Variants in PYROXD1 observed in about 807,000 individuals in gnomAD.
PYROXD1 encodes the protein pyridine nucleotide-disulphide oxidoreductase domain 1.
In PYROXD1, 42 loss-of-function variants were observed where a neutral mutation model predicts 62.0. The ratio of observed to expected loss-of-function variants is 0.68; its 90% CI spans 0.53 to 0.88. The LOEUF (loss-of-function observed/expected upper bound fraction) is 0.88, where lower values mean the gene tolerates loss of function less well. Among genes scored for constraint, PYROXD1 ranks in the 40% least tolerant of loss-of-function variants. The probability of loss-of-function intolerance (pLI) is 0.00; values close to 1 mark genes in which losing one functional copy is unlikely to be tolerated. For missense variants in PYROXD1, 493 were observed against 604.8 expected (o/e 0.82, Z 1.94); for synonymous variants, 170 against 206.4 (o/e 0.82, Z 1.51).
At position 21,460,538 on chromosome 12, in the gene PYROXD1, C is replaced by T. The variant is rs1259664207; in HGVS notation, c.751-487C>T. Among the ~76,000 whole-genome samples the T allele has an allele frequency of 5.3e-5, 8 of 151,980 alleles. No individual in the cohort carries two copies. In the South Asian group the frequency reaches 1.7e-3, roughly 32 times the overall value. On this transcript the variant is annotated intron_variant, in intron 7 of 11. Transcript: ENST00000240651. ...TCCCGGGTTCAAGCGAGTCTCCTGC[C>T]TCAGCCTCCCGAGTAGCTGGGACTA...
intron 3 of PYROXD1, chr12:21,448,230 T>C: frequency 1.9e-6 from 1 of 516,268 alleles, no homozygotes; most frequent in Non-Finnish European, 3.7e-6. Flanking sequence ...CATTTTGTTC[T>C]TATGAAATGC....
At chr12:21,462,588 A>G in intron 9 of PYROXD1, 152 bp from the exon 10 acceptor site, 1 of 759,568 alleles carries the variant, frequency 1.3e-6, no homozygotes, top group Non-Finnish European at 2.1e-6. Context: ...ATGGAAATTC[A>G]GCTCAGGTGT....
chr12:21,460,432 TA>T (rs377484496), intron 7 of PYROXD1, among the ~76,000 whole-genome samples: 51,505 of 127,980 alleles, frequency 0.4, 9,352 homozygotes, highest in Middle Eastern at 0.48. Flanking sequence ...TTTATTTATT[TA>T]TTTTTTTTGA....
In PYROXD1 at chr12:21,470,148, T is replaced by C; in HGVS notation, c.*1394T>C. On this transcript the variant is annotated 3_prime_UTR_variant, in exon 12 of 12. Coordinates refer to ENST00000240651, the MANE Select transcript of PYROXD1 (RefSeq NM_024854.5). ...GTCTAACTACAAAAATAATGGCATATACATGCATAAACCATCTTTAATTAG... is the reference window on the plus strand; with the variant it reads ...GTCTAACTACAAAAATAATGGCATACACATGCATAAACCATCTTTAATTAG... 1 of 1,601,962 alleles carries C rather than the reference T, an allele frequency of 6.2e-7. No individual in the cohort carries two copies. The highest frequency in any genetic ancestry group is 8.5e-7 in the Non-Finnish European group (1 of 1,174,334).
At chr12:21,460,765 G>GT (rs1274909478) in intron 7 of PYROXD1, 1 of 224,814 alleles carries the variant, frequency 4.4e-6, no homozygotes, top group Non-Finnish European at 8.7e-6. Context: ...AATTATCAAT[G>GT]AGGCCTAGGC....
intron 2 of PYROXD1, among the ~76,000 whole-genome samples, chr12:21,440,999 A>G (rs1016501962): frequency 2.6e-4 from 39 of 152,186 alleles, no homozygotes; most frequent in African/African-American, 8.9e-4. Flanking sequence ...TGCATCCCTG[A>G]ATAAATCCCA....
At chr12:21,439,157 A>G (rs1296466343) in intron 1 of PYROXD1, among the ~76,000 whole-genome samples, 1 of 152,198 alleles carries the variant, frequency 6.6e-6, no homozygotes, top group African/African-American at 2.4e-5. Flanking sequence ...CATAGATCAT[A>G]AGGAGTCTTA....
rs182774881 is a variant in PYROXD1 at position 21,448,756 on chromosome 12, A to G, written c.286-807A>G. Among the ~76,000 whole-genome samples, 317 of 152,314 alleles carry G rather than the reference A, an allele frequency of 2.1e-3. 2 individuals carry two copies. The highest frequency in any genetic ancestry group is 7.3e-3 in the African/African-American group (303 of 41,564). ...GCATCTCTCATAGTAGCATGCATTT[A>G]TGTTTAAATGTTTTCTAAAGGCTAC... On this transcript the variant is annotated intron_variant, in intron 3 of 11. Transcript: ENST00000240651.
At chr12:21,441,636 A>C (rs914893167) in intron 2 of PYROXD1, among the ~76,000 whole-genome samples, 6 of 151,916 alleles carry the variant, frequency 3.9e-5, no homozygotes, top group Non-Finnish European at 5.9e-5. Flanking sequence ...TTTTTAAATA[A>C]CTTTTTAAAT....
chr12:21,465,804 AAC>A, intron 10 of PYROXD1, among the ~76,000 whole-genome samples: 3 of 152,078 alleles, frequency 2.0e-5, no homozygotes, highest in Non-Finnish European at 4.4e-5. Flanking sequence ...TTTTAGGTCT[AAC>A]ATGTAAGTCT....
Position 21,445,453 on chromosome 12 carries a change from A to G in PYROXD1, c.272A>G (p.Lys91Arg). Residue 91 changes from lysine to arginine, a missense_variant, in exon 3 of 12, where the codon AAG (lysine) becomes AGG (arginine). Around this residue, in one of 2 missense-constraint regions of PYROXD1, gnomAD observed 164 missense variants for 158.2 expected, o/e 1.04. Transcript: ENST00000240651. ...ATAGAATCTGGCGTAAAGCAACTGAAGAGTGAAGAACACGTAAGATAATTG... is the reference window on the plus strand; with the variant it reads ...ATAGAATCTGGCGTAAAGCAACTGAGGAGTGAAGAACACGTAAGATAATTG... ...KVIESGVKQL[K>R]SEEHCIVTED... 1.3e-6 allele frequency: 2 copies of G among 1,596,384 alleles called. No individual in the cohort carries two copies. Among genetic ancestry groups the G allele is most frequent in the Non-Finnish European group, 1.7e-6 (2 of 1,175,338 alleles).
Position 21,437,712 on chromosome 12 carries a change from C to A in PYROXD1, c.-19C>A, listed in dbSNP as rs1372552421. 6 of 1,607,410 alleles carry A rather than the reference C, an allele frequency of 3.7e-6. No homozygotes were observed. Among genetic ancestry groups the A allele is most frequent in the Non-Finnish European group, 5.1e-6 (6 of 1,177,436 alleles). ...TTGCTCCGCCGCGATATTCAGTAAA[C>A]CACTGGGAGTCCGGCAGCATGGAGG... On this transcript the variant is annotated 5_prime_UTR_variant, in exon 1 of 12. Transcript: ENST00000240651.
chr12:21,441,674 C>T (rs910503081), intron 2 of PYROXD1, among the ~76,000 whole-genome samples: 2 of 151,862 alleles, frequency 1.3e-5, no homozygotes, highest in Non-Finnish European at 2.9e-5. Context: ...TATTGTTTTT[C>T]TGATTTAATT....
intron 8 of PYROXD1, among the ~76,000 whole-genome samples, 172 bp from the exon 9 acceptor site, chr12:21,461,836 A>C (rs1942702588): frequency 1.3e-5 from 2 of 152,356 alleles, no homozygotes; most frequent in South Asian, 4.1e-4. Context: ...TAATTGCATT[A>C]AAATTGCTTT....
At chr12:21,464,717 G>T (rs572614946) in intron 10 of PYROXD1, among the ~76,000 whole-genome samples, 3 of 55,726 alleles carry the variant, frequency 5.4e-5, no homozygotes, top group Admixed American at 2.7e-4. Flanking sequence ...TGACTCCCAA[G>T]GTCAGTGTTT....
chr12:21,467,604 T>G lies in PYROXD1; in HGVS notation c.1240T>G (p.Phe414Val). 1 of 1,610,384 alleles carries G rather than the reference T, an allele frequency of 6.2e-7. No homozygotes were observed. The highest frequency in any genetic ancestry group is 8.5e-7 in the Non-Finnish European group (1 of 1,177,900). ...TGAACTGTTTGCTCATGTGACAAAA[T>G]TTTTTAACTATAAGGTAAGATAGTT... ...SFELFAHVTKFFNYKVVLLGK... is the reference protein window; with the variant it reads ...SFELFAHVTKVFNYKVVLLGK... The change falls in exon 11 of 12, where the codon TTT becomes GTT. Residue 414 changes from phenylalanine to valine, a missense_variant. Phe to Val is a conservative substitution (Grantham distance 50). Around this residue, in one of 2 missense-constraint regions of PYROXD1, gnomAD observed 329 missense variants for 446.6 expected, o/e 0.74. Transcript: ENST00000240651.
intron 3 of PYROXD1, among the ~76,000 whole-genome samples, chr12:21,449,177 A>G (rs1010931525): frequency 1.3e-5 from 2 of 152,210 alleles, no homozygotes; most frequent in Non-Finnish European, 2.9e-5. Flanking sequence ...TGTCACAGGT[A>G]TAATGAGAAT....
At position 21,468,645 on chromosome 12, in the gene PYROXD1, C is replaced by A. The variant is rs868118493; in HGVS notation, c.1394C>A (p.Thr465Asn). The A allele has an allele frequency of 2.5e-6, 4 of 1,612,740 alleles. No individual in the cohort carries two copies. Among genetic ancestry groups the A allele is most frequent in the Non-Finnish European group, 3.4e-6 (4 of 1,179,320 alleles). ...ATGGGAGCTGTCTTAATTGGTGAAACCGATTTAGAAGAAACATTTGAAAAC... is the reference window on the plus strand; with the variant it reads ...ATGGGAGCTGTCTTAATTGGTGAAAACGATTTAGAAGAAACATTTGAAAAC... ...RMMGAVLIGE[T>N]DLEETFENLI... Residue 465 changes from threonine (T) to asparagine (N), a missense_variant, in exon 12 of 12, where the codon ACC (threonine) becomes AAC (asparagine). Physicochemically the swap from Thr to Asn is moderately conservative, Grantham distance 65. Around this residue, in one of 2 missense-constraint regions of PYROXD1, gnomAD observed 329 missense variants for 446.6 expected, o/e 0.74. Transcript: ENST00000240651.
At chr12:21,460,976 G>C (rs771131549) in intron 7 of PYROXD1, 49 bp from the exon 8 acceptor site, 3 of 1,187,938 alleles carry the variant, frequency 2.5e-6, no homozygotes, top group Non-Finnish European at 3.4e-6. Flanking sequence ...AGTAACCCGG[G>C]TTATTCTTTC....
Sources: allele counts gnomAD v4.1 joint callset (sites outside exome capture counted in the v4.1 genomes callset), GRCh38; gene constraint gnomAD v4.1.1; regional missense constraint gnomAD v4.1.1; transcripts MANE v1.5; gene names NCBI Gene and HGNC (gene_info 2026-07-23, HGNC 2026-07-21).